Variants in ORC1 observed in about 807,000 individuals in gnomAD.
ORC1 encodes origin recognition complex, subunit 1 homolog.
In ORC1, 61 loss-of-function variants were observed where a neutral mutation model predicts 98.9. The observed-to-expected ratio is 0.62, with a 90% confidence interval of 0.50 to 0.76. The LOEUF is 0.76. ORC1 is among the 30% of genes least tolerant of loss of function. The probability of loss-of-function intolerance (pLI) is 0.00; values close to 1 mark genes in which losing one functional copy is unlikely to be tolerated. For synonymous variants in ORC1, 385 were observed against 406.9 expected (o/e 0.95, Z 0.65); for missense variants, 979 against 1,072.2 (o/e 0.91, Z 1.21).
upstream of ORC1, among the ~76,000 whole-genome samples, chr1:52,407,169 C>A (rs190769153): frequency 2.0e-5 from 3 of 150,448 alleles, no homozygotes; most frequent in Admixed American, 2.0e-4. Flanking sequence ...AGGCGCCCAC[C>A]ACTACACCCG....
At chr1:52,397,133 G>A (rs576969226) in intron 4 of ORC1, among the ~76,000 whole-genome samples, 57 of 152,088 alleles carry the variant, frequency 3.7e-4, no homozygotes, top group Non-Finnish European at 6.2e-4. Flanking sequence ...CTACCCTAAC[G>A]CTCAATGAAC....
In ORC1 at chr1:52,385,834, A is replaced by T. The variant is rs770459897; in HGVS notation, c.1481+18T>A. The T allele has an allele frequency of 2.5e-6, 4 of 1,575,276 alleles. No homozygotes were observed. Among genetic ancestry groups the T allele is most frequent in the Non-Finnish European group, 3.5e-6 (4 of 1,144,730 alleles). On this transcript the variant is annotated intron_variant, in intron 9 of 16. Coordinates refer to ENST00000371568, the MANE Select transcript of ORC1 (RefSeq NM_004153.4). ...CATGGTTCCTGCCTCTCTGAAGGGGAATCAACAGCAGCAGTACCTCAGTCG... is the reference window on the plus strand; with the variant it reads ...CATGGTTCCTGCCTCTCTGAAGGGGTATCAACAGCAGCAGTACCTCAGTCG...
In ORC1 at chr1:52,373,091, C is replaced by T. The variant is rs1646954158; in HGVS notation, c.*90G>A. The T allele has an allele frequency of 5.3e-6, 7 of 1,317,270 alleles. No individual in the cohort carries two copies. The highest frequency in any genetic ancestry group is 3.6e-5 in the South Asian group (3 of 84,352). The allele number at this position is 1,317,270 out of a possible 1,614,324, so 81.6% of individuals were successfully genotyped here. ...AGGCTGCAGTGAGCCATGATCGTGC[C>T]ACTGCACTCCAGCCTGGGCGACAGA... On this transcript the variant is annotated 3_prime_UTR_variant, in exon 17 of 17. Coordinates refer to ENST00000371568, the MANE Select transcript of ORC1 (RefSeq NM_004153.4).
chr1:52,396,845 T>C (rs1403030847), intron 4 of ORC1, among the ~76,000 whole-genome samples: 1 of 152,186 alleles, frequency 6.6e-6, no homozygotes, highest in African/African-American at 2.4e-5. Context: ...TGGCTCCCAC[T>C]GTAGCAAGAC....
chr1:52,398,751 A>T (rs1274163617), intron 3 of ORC1, among the ~76,000 whole-genome samples: 2 of 150,938 alleles, frequency 1.3e-5, no homozygotes, highest in African/African-American at 4.9e-5. Context: ...CCAGCTAATT[A>T]TTTTTTTGTA....
chr1:52,393,860 A>G (rs1647286026), intron 5 of ORC1, 57 bp from the exon 6 acceptor site: 9 of 1,576,730 alleles, frequency 5.7e-6, no homozygotes, highest in Non-Finnish European at 6.9e-6. Flanking sequence ...CAAACCCACA[A>G]TCTCATCACA....
intron 14 of ORC1, among the ~76,000 whole-genome samples, chr1:52,380,481 A>G (rs1647054061): frequency 6.6e-6 from 1 of 152,214 alleles, no homozygotes; most frequent in South Asian, 2.1e-4. Context: ...GGATCACCTG[A>G]GGTCAGGAGT....
intron 6 of ORC1, among the ~76,000 whole-genome samples, 161 bp from the exon 7 acceptor site, chr1:52,389,482 A>T (rs111861315): frequency 2.0e-5 from 3 of 152,198 alleles, no homozygotes; most frequent in African/African-American, 4.8e-5. Context: ...GCAAAAAATT[A>T]TAACTAAAAA....
intron 13 of ORC1, 37 bp downstream of exon 13, chr1:52,383,383 T>G (rs1354668515): frequency 6.2e-7 from 1 of 1,611,368 alleles, no homozygotes; most frequent in East Asian, 2.2e-5. Context: ...AGCTTACAGA[T>G]CTGCAAGAAC....
chr1:52,374,998 C>G, intron 15 of ORC1, 101 bp from the exon 16 acceptor site: 3 of 758,674 alleles, frequency 4.0e-6, no homozygotes, highest in Non-Finnish European at 7.0e-6. Context: ...AAAGAGAAAA[C>G]CCGGGAAATA....
At chr1:52,400,298 A>G (rs755972002) in intron 3 of ORC1, among the ~76,000 whole-genome samples, 61 of 152,226 alleles carry the variant, frequency 4.0e-4, no homozygotes, top group Non-Finnish European at 7.1e-4. Context: ...CATACTGTAC[A>G]GCACGGATAC....
intron 14 of ORC1, among the ~76,000 whole-genome samples, chr1:52,377,559 G>A (rs1647009730): frequency 6.6e-6 from 1 of 152,086 alleles, no homozygotes; most frequent in Non-Finnish European, 1.5e-5. Flanking sequence ...ATAGGCATGA[G>A]CCACCCTACC....
At chr1:52,385,819 G>C in intron 9 of ORC1, 33 bp downstream of exon 9, 1 of 1,457,252 alleles carries the variant, frequency 6.9e-7, no homozygotes, top group Admixed American at 1.7e-5. Context: ...CATGGTTCCT[G>C]CCTCTCTGAA....
intron 14 of ORC1, among the ~76,000 whole-genome samples, chr1:52,380,719 A>G (rs1487106852): frequency 6.6e-6 from 1 of 152,100 alleles, no homozygotes; most frequent in Non-Finnish European, 1.5e-5. Flanking sequence ...GGGTGGCATA[A>G]AAAAAGGATC....
At chr1:52,390,360 A>G (rs941506067) in intron 6 of ORC1, among the ~76,000 whole-genome samples, 1 of 152,244 alleles carries the variant, frequency 6.6e-6, no homozygotes, top group African/African-American at 2.4e-5. Context: ...ACGTAGACCA[A>G]TGGAACAGAA....
rs141243317 is a variant in ORC1 at position 52,402,685 on chromosome 1, G to A, written c.-5-457C>T. Among the ~76,000 whole-genome samples, 571 of 152,334 alleles carry A rather than the reference G, an allele frequency of 3.7e-3. 4 individuals carry two copies. The highest frequency in any genetic ancestry group is 0.013 in the African/African-American group (533 of 41,572). On this transcript the variant is annotated intron_variant, in intron 1 of 16. Coordinates refer to ENST00000371568, the MANE Select transcript of ORC1 (RefSeq NM_004153.4). Reference sequence around the variant, plus strand: ...GCAGTGGCTCACGCCTGTAATCCCAGCATTTTGAGAGGCTGAGGTGGGTGG... The same window carrying A: ...GCAGTGGCTCACGCCTGTAATCCCAACATTTTGAGAGGCTGAGGTGGGTGG...
upstream of ORC1, among the ~76,000 whole-genome samples, chr1:52,407,327 A>C (rs975979112): frequency 2.6e-5 from 4 of 152,210 alleles, no homozygotes; most frequent in African/African-American, 9.6e-5. Flanking sequence ...GAACGACTCT[A>C]ATAAAGCATT....
At position 52,375,423 on chromosome 1, in the gene ORC1, A is replaced by G. The variant is rs1458587686; in HGVS notation, c.2303+7T>C. 3 of 1,614,006 alleles carry G rather than the reference A, an allele frequency of 1.9e-6. No individual in the cohort carries two copies. The highest frequency in any genetic ancestry group is 2.5e-6 in the Non-Finnish European group (3 of 1,179,866). On this transcript the variant is annotated splice_region_variant and intron_variant, in intron 15 of 16. Transcript: ENST00000371568. ...TCCAGGAAGGCTCAGGAAGTGGAGC[A>G]TCTTACTTGATGGCCGTGATGTATG...
Position 52,381,694 on chromosome 1 carries a change from A to G in ORC1, c.2081T>C (p.Leu694Pro), listed in dbSNP as rs1557572127. The G allele has an allele frequency of 6.2e-7, 1 of 1,613,462 alleles. No homozygotes were observed. The highest frequency in any genetic ancestry group is 2.2e-5 in the East Asian group (1 of 44,864). The change falls in exon 14 of 17, where the codon CTC (leucine) becomes CCC (proline). Residue 694 changes from leucine to proline, a missense_variant. Physicochemically the swap from Leu to Pro is moderately conservative, Grantham distance 98. Transcript: ENST00000371568. ...ATCTTCAAAGGCCTTTAGATGCTTG[A>G]GCCGGGACCTTAGGATCTGCTGCAG... ...SQLQQILRSR[L>P]KHLKAFEDDA...
Sources: allele counts gnomAD v4.1 joint callset (sites outside exome capture counted in the v4.1 genomes callset), GRCh38; gene constraint gnomAD v4.1.1; transcripts MANE v1.5; gene names NCBI Gene and HGNC (gene_info 2026-07-23, HGNC 2026-07-21).